SRGAP2: variants seen among roughly 807,000 people sequenced by gnomAD.
The protein encoded by SRGAP2 is SLIT-ROBO Rho GTPase-activating protein 2.
A neutral mutation model predicts 57.2 loss-of-function variants in SRGAP2; 15 were observed. The observed-to-expected ratio is 0.26, with a 90% CI of 0.18 to 0.40. The LOEUF is 0.40. SRGAP2 is among the 10% of genes least tolerant of loss of function. The probability of loss-of-function intolerance (pLI) is 1.00; values close to 1 mark genes in which losing one functional copy is unlikely to be tolerated. For missense variants in SRGAP2, 520 were observed against 669.6 expected, an observed-to-expected ratio of 0.78 and a Z score of 2.47; for synonymous variants, 249 against 248.0, an observed-to-expected ratio of 1.00 and a Z score of -0.04.
chr1:206,209,026 AC>A (rs1666139687), intron 2 of SRGAP2, among the ~76,000 whole-genome samples: 2 of 144,638 alleles, frequency 1.4e-5, no homozygotes, highest in South Asian at 4.5e-4. Flanking sequence ...AGTATCTTGC[AC>A]TTGTAAGTGC....
chr1:206,353,162 C>T (rs1676159519), intron 4 of SRGAP2, among the ~76,000 whole-genome samples: 2 of 152,116 alleles, frequency 1.3e-5, no homozygotes, highest in African/African-American at 4.8e-5. Flanking sequence ...GGAAAAATAT[C>T]AATTTTTTCC....
intron 18 of SRGAP2, among the ~76,000 whole-genome samples, chr1:206,447,995 A>G (rs1553374508): frequency 6.6e-6 from 1 of 152,232 alleles, no homozygotes; most frequent in Non-Finnish European, 1.5e-5. Context: ...TTACTACCGC[A>G]GACTGTGTGG....
chr1:206,421,224 A>G, intron 12 of SRGAP2, 26 bp from the exon 13 acceptor site: 1 of 778,508 alleles, frequency 1.3e-6, no homozygotes, highest in Non-Finnish European at 2.4e-6. Context: ...GATTGGTCCA[A>G]TCTGATTCGG....
At chr1:206,260,302 G>T (rs1324520942) in intron 2 of SRGAP2, among the ~76,000 whole-genome samples, 1 of 142,304 alleles carries the variant, frequency 7.0e-6, no homozygotes, top group African/African-American at 2.6e-5. Context: ...TTTAAAGCCT[G>T]ATTACCTAGT....
At chr1:206,286,239 A>G (rs1275750879) in intron 2 of SRGAP2, among the ~76,000 whole-genome samples, 1 of 151,108 alleles carries the variant, frequency 6.6e-6, no homozygotes, top group Admixed American at 6.6e-5. Context: ...TGTAGCTATC[A>G]TAAATAATGA....
rs1654744329 is a variant in SRGAP2, at chr1:206,372,956, TTTTCTTTCCTTTCTTTCTTTC to T, written c.424-11049_424-11029del. ...CTTTCTTTCTTTCTTTCTTTCTTTC[TTTTCTTTCCTTTCTTTCTTTC>T]TTTCTTTCTTTCTTTCTTTCTTTCT... is the stretch of plus-strand genomic sequence containing the variant. On this transcript the variant is annotated intron_variant, in intron 4 of 22. Coordinates refer to ENST00000573034, the MANE Select transcript of SRGAP2 (RefSeq NM_015326.5). 8.7e-4 allele frequency among the ~76,000 whole-genome samples: 8 copies of T among 9,226 alleles called. 1 individual carries two copies. The highest frequency in any genetic ancestry group is 1.9e-3 in the African/African-American group (4 of 2,126). 6.1% of individuals were successfully genotyped at this position (9,226 alleles called of 152,430 possible).
chr1:206,384,309 G>A (rs553210813), intron 5 of SRGAP2, among the ~76,000 whole-genome samples: 1 of 151,596 alleles, frequency 6.6e-6, no homozygotes, highest in South Asian at 2.1e-4. Flanking sequence ...AGCTCACCCT[G>A]GCTTTATTTG....
intron 10 of SRGAP2, among the ~76,000 whole-genome samples, chr1:206,413,731 T>A (rs1553360362): frequency 6.6e-6 from 1 of 152,068 alleles, no homozygotes; most frequent in Non-Finnish European, 1.5e-5. Flanking sequence ...CAAAGGATAA[T>A]GAATGACATG....
intron 8 of SRGAP2, among the ~76,000 whole-genome samples, chr1:206,401,956 A>C (rs1553355907): frequency 6.6e-6 from 1 of 151,764 alleles, no homozygotes; most frequent in Non-Finnish European, 1.5e-5. Context: ...AGCAGGATCA[A>C]AGAAGGTGAA....
At chr1:206,441,262 C>A (rs782333321) in intron 17 of SRGAP2, among the ~76,000 whole-genome samples, 10 of 152,106 alleles carry the variant, frequency 6.6e-5, no homozygotes, top group Non-Finnish European at 1.3e-4. Context: ...GAATCCAACC[C>A]TTAAGGGAGA....
intron 2 of SRGAP2, among the ~76,000 whole-genome samples, chr1:206,288,446 T>TTGCC (rs1671130152): frequency 9.6e-6 from 1 of 104,434 alleles, no homozygotes; most frequent in African/African-American, 3.9e-5. Context: ...GTTTCTTTTT[T>TTGCC]TGCCTTGGCA....
chr1:206,428,138 C>G (rs899234313), intron 13 of SRGAP2, among the ~76,000 whole-genome samples: 1 of 151,626 alleles, frequency 6.6e-6, no homozygotes, highest in African/African-American at 2.4e-5. Flanking sequence ...TAAAATAGGC[C>G]GGGCGTGGTG....
chr1:206,383,556 A>G (rs1655910632), intron 4 of SRGAP2, among the ~76,000 whole-genome samples: 1 of 152,036 alleles, frequency 6.6e-6, no homozygotes, highest in Admixed American at 6.5e-5. Flanking sequence ...TCCTGCTTGG[A>G]GTTTTCTATT....
intron 3 of SRGAP2, among the ~76,000 whole-genome samples, chr1:206,334,628 C>G (rs1674636475): frequency 6.6e-6 from 1 of 152,152 alleles, no homozygotes; most frequent in Admixed American, 6.5e-5. Flanking sequence ...GGCTGTAGAT[C>G]AAACTTCTCC....
intron 2 of SRGAP2, among the ~76,000 whole-genome samples, chr1:206,262,411 T>C (rs1378518495): frequency 1.4e-5 from 2 of 146,154 alleles, no homozygotes; most frequent in Non-Finnish European, 3.0e-5. Flanking sequence ...CTAAAGAATC[T>C]CATGATAGTT....
Position 206,205,716 on chromosome 1 carries a change from T to G in SRGAP2, c.-255T>G. Reference sequence around the variant, plus strand: ...CGGGCGCTGCAGTTCTCCCGGCTAATGCTGAGGCTGCGGCTCCGGCTCTAG... The same window carrying G: ...CGGGCGCTGCAGTTCTCCCGGCTAAGGCTGAGGCTGCGGCTCCGGCTCTAG... On this transcript the variant is annotated 5_prime_UTR_variant, in exon 2 of 23. An upstream start codon of the reference 5' UTR is lost. Transcript: ENST00000573034. 1 of 544,304 alleles carries G rather than the reference T, an allele frequency of 1.8e-6. No individual in the cohort carries two copies. Among genetic ancestry groups the G allele is most frequent in the South Asian group, 2.0e-5 (1 of 49,232 alleles). 33.7% of individuals were successfully genotyped at this position (544,304 alleles called of 1,614,324 possible).
intron 21 of SRGAP2, among the ~76,000 whole-genome samples, chr1:206,458,060 A>T (rs1321477405): frequency 6.6e-6 from 1 of 152,174 alleles, no homozygotes; most frequent in Non-Finnish European, 1.5e-5. Context: ...AAGAAAACGC[A>T]CAAACTGGGC....
intron 3 of SRGAP2, among the ~76,000 whole-genome samples, chr1:206,341,989 CTT>C (rs1675228929): frequency 6.6e-6 from 1 of 151,844 alleles, no homozygotes; most frequent in South Asian, 2.1e-4. Flanking sequence ...CAGAGTGAGA[CTT>C]TGTCTCAAAA....
chr1:206,453,457 A>G lies in SRGAP2; in HGVS notation c.2360+77A>G, dbSNP rs191029941. The G allele has an allele frequency of 1.2e-5, 6 of 487,626 alleles. No individual in the cohort carries two copies. The East Asian group carries it at 2.1e-4, about 17-fold the overall frequency. The allele number at this position is 487,626 out of a possible 1,614,324, so 30.2% of individuals were successfully genotyped here. A position where few individuals can be genotyped will look rare whatever the true frequency, so the allele number is the denominator to read the frequency against. On this transcript the variant is annotated intron_variant, in intron 20 of 22. Coordinates refer to ENST00000573034, the MANE Select transcript of SRGAP2 (RefSeq NM_015326.5). Reference sequence around the variant, plus strand: ...AGTGAGACTTCATTTCTGGAGCCATAGGACTATGAGGGAGGCCAACCCCTG... The same window carrying G: ...AGTGAGACTTCATTTCTGGAGCCATGGGACTATGAGGGAGGCCAACCCCTG...
Sources: allele counts gnomAD v4.1 joint callset (sites outside exome capture counted in the v4.1 genomes callset), GRCh38; gene constraint gnomAD v4.1.1; transcripts MANE v1.5; gene names NCBI Gene and HGNC (gene_info 2026-07-23, HGNC 2026-07-21).